The following WDR27 variants were observed in gnomAD, a reference collection of about 807,000 sequenced individuals.
WDR27 encodes the protein WD repeat-containing protein 27.
In WDR27, 100 loss-of-function variants were observed where a neutral mutation model predicts 114.4. The observed-to-expected ratio is 0.87, with a 90% CI of 0.74 to 1.03. The LOEUF is 1.03. WDR27 is among the 50% of genes least tolerant of loss of function. The probability of loss-of-function intolerance (pLI) is 0.00; values close to 1 mark genes in which losing one functional copy is unlikely to be tolerated. For missense variants in WDR27, 1,129 were observed against 1,092.9 expected, an observed-to-expected ratio of 1.03 and a Z score of -0.47; for synonymous variants, 449 against 423.1, an observed-to-expected ratio of 1.06 and a Z score of -0.75.
chr6:169,591,992 A>G (rs1293773620), intron 23 of WDR27, among the ~76,000 whole-genome samples: 1 of 151,842 alleles, frequency 6.6e-6, no homozygotes, highest in Non-Finnish European at 1.5e-5. Flanking sequence ...AGAGGGTACT[A>G]AGGGTGATGG....
At chr6:169,621,050 C>T (rs1813004435) in intron 21 of WDR27, among the ~76,000 whole-genome samples, 1 of 152,218 alleles carries the variant, frequency 6.6e-6, no homozygotes, top group Admixed American at 6.5e-5. Context: ...CTTCATCTAA[C>T]TCTTCATTCA....
the WDR27 span, among the ~76,000 whole-genome samples, chr6:169,440,039 C>T: frequency 6.6e-6 from 1 of 151,750 alleles, no homozygotes; most frequent in African/African-American, 2.4e-5. Context: ...CTTGATTTGG[C>T]TTCCTAGCTT....
chr6:169,454,228 A>G (rs1442603395), downstream of WDR27, among the ~76,000 whole-genome samples: 1 of 152,096 alleles, frequency 6.6e-6, no homozygotes, highest in Non-Finnish European at 1.5e-5. Flanking sequence ...GCTATATGAA[A>G]TTGCTATTCA....
chr6:169,450,407 G>C, the WDR27 span, among the ~76,000 whole-genome samples: 1 of 152,242 alleles, frequency 6.6e-6, no homozygotes, highest in Non-Finnish European at 1.5e-5. Context: ...AGATACTGTT[G>C]AATGAGTAAA....
At chr6:169,643,122 T>G (rs1215829354) in intron 17 of WDR27, among the ~76,000 whole-genome samples, 1 of 152,222 alleles carries the variant, frequency 6.6e-6, no homozygotes, top group Non-Finnish European at 1.5e-5. Context: ...GTGTTGTTTC[T>G]GTGCTTCTGT....
chr6:169,614,450 C>T (rs1437517648), intron 21 of WDR27, among the ~76,000 whole-genome samples: 1 of 152,108 alleles, frequency 6.6e-6, no homozygotes, highest in African/African-American at 2.4e-5. Flanking sequence ...CTTTGGGAGG[C>T]CAAGGCGGGC....
At chr6:169,507,217 C>G (rs962227431) in intron 25 of WDR27, among the ~76,000 whole-genome samples, 10 of 152,212 alleles carry the variant, frequency 6.6e-5, no homozygotes, top group Admixed American at 6.5e-4. Context: ...CATGTGGCAT[C>G]TATAAGCTGC....
chr6:169,492,802 C>G (rs1017729826), intron 25 of WDR27, among the ~76,000 whole-genome samples: 11 of 152,016 alleles, frequency 7.2e-5, no homozygotes, highest in African/African-American at 2.2e-4. Flanking sequence ...AATAACAAAC[C>G]TCTAGACAAC....
chr6:169,593,199 T>C (rs1806095804), intron 23 of WDR27, among the ~76,000 whole-genome samples: 4 of 152,242 alleles, frequency 2.6e-5, no homozygotes, highest in Admixed American at 2.6e-4. Flanking sequence ...TAAGTATCTT[T>C]GGGACTATTT....
At chr6:169,624,584 C>T (rs140427455) in intron 21 of WDR27, among the ~76,000 whole-genome samples, 3 of 152,268 alleles carry the variant, frequency 2.0e-5, no homozygotes, top group African/African-American at 4.8e-5. Flanking sequence ...AGCCATCGAC[C>T]GTTTCCAGGG....
chr6:169,468,885 C>T (rs138300362), intron 25 of WDR27, among the ~76,000 whole-genome samples: 28 of 152,276 alleles, frequency 1.8e-4, no homozygotes, highest in South Asian at 4.2e-4. Context: ...TCCTGGCTTG[C>T]GGAAGGATAC....
rs565143529 is a variant in WDR27 at position 169,686,774 on chromosome 6, T to C, written c.189+2043A>G. Among the ~76,000 whole-genome samples the C allele has an allele frequency of 4.1e-4, 63 of 152,162 alleles. 1 individual carries two copies. In the South Asian group the frequency reaches 9.1e-3, roughly 22 times the overall value. On this transcript the variant is annotated intron_variant, in intron 2 of 25. Coordinates refer to ENST00000448612, the MANE Select transcript of WDR27 (RefSeq NM_182552.5). ...TCCACAGATAAATGGATAAAGAAAT[T>C]TGGTACATATACACAATGGAATACT...
intron 1 of WDR27, among the ~76,000 whole-genome samples, chr6:169,696,062 G>A (rs185158425): frequency 1.7e-4 from 26 of 152,312 alleles, no homozygotes; most frequent in South Asian, 4.1e-4. Flanking sequence ...CTCCAGAACC[G>A]TAAGATAATC....
chr6:169,482,289 T>C (rs142135479), intron 25 of WDR27, among the ~76,000 whole-genome samples: 1,527 of 152,358 alleles, frequency 0.01, 23 homozygotes, highest in African/African-American at 0.035. Flanking sequence ...AATAGAATAA[T>C]TTATATTCCT....
chr6:169,557,633 A>T (rs1799104188), intron 25 of WDR27, among the ~76,000 whole-genome samples: 1 of 152,188 alleles, frequency 6.6e-6, no homozygotes, highest in Non-Finnish European at 1.5e-5. Flanking sequence ...TATTTTGATT[A>T]AAAACATCAA....
chr6:169,540,777 C>T (rs957753166), intron 25 of WDR27, among the ~76,000 whole-genome samples: 2 of 152,036 alleles, frequency 1.3e-5, no homozygotes, highest in Non-Finnish European at 2.9e-5. Flanking sequence ...ATTTTCTGTC[C>T]ACCTGCATGA....
Position 169,523,762 on chromosome 6 carries a change from C to T in WDR27, c.2645+48657G>A, listed in dbSNP as rs1221913154. On this transcript the variant is annotated intron_variant, in intron 25 of 25. Coordinates refer to ENST00000448612, the MANE Select transcript of WDR27 (RefSeq NM_182552.5). ...ATCCTTTTATGATTAAAAAAACCCT[C>T]AACAAACTAGGTATAGAAGGAACAT... is the stretch of plus-strand genomic sequence containing the variant. Among the ~76,000 whole-genome samples, 4 of 152,074 alleles carry T rather than the reference C, an allele frequency of 2.6e-5. No individual in the cohort carries two copies. In the East Asian group the frequency reaches 7.7e-4, roughly 29 times the overall value.
chr6:169,505,583 A>G (rs1791903726), intron 25 of WDR27, among the ~76,000 whole-genome samples: 1 of 152,132 alleles, frequency 6.6e-6, no homozygotes, highest in African/African-American at 2.4e-5. Flanking sequence ...CTATACTCCA[A>G]GAATAGTCCT....
chr6:169,564,748 C>A (rs1254179761), intron 25 of WDR27, among the ~76,000 whole-genome samples: 1 of 152,196 alleles, frequency 6.6e-6, no homozygotes, highest in East Asian at 1.9e-4. Context: ...GTGGCCCTGA[C>A]TTCTCTTCTA....
Sources: allele counts gnomAD v4.1 joint callset (sites outside exome capture counted in the v4.1 genomes callset), GRCh38; gene constraint gnomAD v4.1.1; transcripts MANE v1.5; gene names NCBI Gene and HGNC (gene_info 2026-07-23, HGNC 2026-07-21).